RORA: variants seen among roughly 807,000 people sequenced by gnomAD.
The protein encoded by RORA is RAR related orphan receptor A.
Under a neutral mutation model 69.5 loss-of-function variants are expected in RORA, and 7 were observed. That is an observed-to-expected ratio of 0.10 (90% CI 0.06 to 0.19). The LOEUF (loss-of-function observed/expected upper bound fraction) is 0.19. Among genes scored for constraint, RORA ranks in the 10% least tolerant of loss-of-function variants. The pLI is 1.00. For synonymous variants in RORA, 261 were observed against 240.8 expected, an observed-to-expected ratio of 1.08 and a Z score of -0.78; for missense variants, 457 against 663.0, an observed-to-expected ratio of 0.69 and a Z score of 3.41.
intron 1 of RORA, among the ~76,000 whole-genome samples, chr15:61,151,767 T>C (rs1426227942): frequency 6.6e-6 from 1 of 152,224 alleles, no homozygotes; most frequent in Non-Finnish European, 1.5e-5. Context: ...TTATCAAGCA[T>C]GTACTTTAAA....
At chr15:61,137,075 G>T (rs1055158939) in intron 1 of RORA, among the ~76,000 whole-genome samples, 1 of 147,930 alleles carries the variant, frequency 6.8e-6, no homozygotes, top group Non-Finnish European at 1.5e-5. Flanking sequence ...AAGAAAGAAA[G>T]AAAGAAAGAA....
chr15:61,060,335 C>T (rs2078165725), intron 1 of RORA, among the ~76,000 whole-genome samples: 1 of 152,176 alleles, frequency 6.6e-6, no homozygotes, highest in South Asian at 2.1e-4. Flanking sequence ...GCTCTCCTTC[C>T]TTCCACTACT....
intron 1 of RORA, among the ~76,000 whole-genome samples, chr15:61,225,606 G>T (rs1338615556): frequency 6.6e-6 from 1 of 152,136 alleles, no homozygotes; most frequent in Non-Finnish European, 1.5e-5. Context: ...TTTTCCCTTA[G>T]GTCTGCCGGC....
intron 1 of RORA, among the ~76,000 whole-genome samples, chr15:61,212,325 G>C (rs955844781): frequency 6.6e-6 from 1 of 152,078 alleles, no homozygotes; most frequent in African/African-American, 2.4e-5. Context: ...TCAAAGCAGA[G>C]AAAAGTGAAA....
intron 1 of RORA, among the ~76,000 whole-genome samples, chr15:60,923,937 C>T (rs1892127677): frequency 2.0e-5 from 3 of 152,188 alleles, no homozygotes. Context: ...CATGCCTGGC[C>T]CTGCTGTGGG....
chr15:60,922,288 A>C (rs2140490615), intron 1 of RORA, among the ~76,000 whole-genome samples: 1 of 152,302 alleles, frequency 6.6e-6, no homozygotes, highest in African/African-American at 2.4e-5. Context: ...TGTAGAAGGC[A>C]CAACACCAAG....
At chr15:61,064,473 G>C (rs1040297804) in intron 1 of RORA, among the ~76,000 whole-genome samples, 16 of 152,102 alleles carry the variant, frequency 1.1e-4, no homozygotes, top group Non-Finnish European at 2.4e-4. Context: ...TCCCACACAA[G>C]CAAACTGCAG....
intron 2 of RORA, among the ~76,000 whole-genome samples, chr15:60,662,237 T>C (rs1384580920): frequency 1.3e-5 from 2 of 152,226 alleles, no homozygotes; most frequent in East Asian, 3.8e-4. Context: ...CCTACTTAAT[T>C]CTGGCTTAAT....
intron 1 of RORA, among the ~76,000 whole-genome samples, chr15:60,689,278 C>T (rs928440921): frequency 6.6e-6 from 1 of 152,124 alleles, no homozygotes. Context: ...GATGGCAATG[C>T]ATCTTACAGG....
chr15:61,067,098 A>T (rs1262366171), intron 1 of RORA, among the ~76,000 whole-genome samples: 2 of 151,084 alleles, frequency 1.3e-5, no homozygotes, highest in African/African-American at 4.9e-5. Context: ...TGTATGCATT[A>T]GTCTAAACTT....
chr15:60,768,930 C>G (rs2072029550), intron 1 of RORA, among the ~76,000 whole-genome samples: 1 of 152,202 alleles, frequency 6.6e-6, no homozygotes, highest in Non-Finnish European at 1.5e-5. Context: ...TTCATTTCTC[C>G]TCCCTAACAA....
chr15:60,752,631 G>A (rs1390308645), intron 1 of RORA, among the ~76,000 whole-genome samples: 6 of 57,996 alleles, frequency 1.0e-4, no homozygotes, highest in Non-Finnish European at 1.8e-4. Flanking sequence ...ACCCCCACCC[G>A]CCTCGAGTTT....
intron 2 of RORA, among the ~76,000 whole-genome samples, chr15:60,551,376 G>A (rs2067222885): frequency 1.3e-5 from 2 of 152,090 alleles, no homozygotes; most frequent in African/African-American, 4.8e-5. Context: ...GCTCATCCTG[G>A]TCCCTGCTCG....
intron 1 of RORA, among the ~76,000 whole-genome samples, chr15:60,742,133 G>C (rs979273959): frequency 6.6e-6 from 1 of 152,026 alleles, no homozygotes; most frequent in Non-Finnish European, 1.5e-5. Context: ...ATATATATGT[G>C]TATGTATTGG....
chr15:60,724,676 A>G (rs938180304), intron 1 of RORA, among the ~76,000 whole-genome samples: 5 of 152,302 alleles, frequency 3.3e-5, no homozygotes, highest in Non-Finnish European at 7.4e-5. Context: ...CCCATATCTG[A>G]GTACTGTGTC....
intron 1 of RORA, among the ~76,000 whole-genome samples, chr15:60,983,433 T>C (rs960130579): frequency 1.3e-5 from 2 of 152,180 alleles, no homozygotes; most frequent in Non-Finnish European, 2.9e-5. Context: ...TGGGGAAAAT[T>C]TACATTCTAT....
intron 2 of RORA, among the ~76,000 whole-genome samples, chr15:60,622,050 A>G (rs1282062135): frequency 1.3e-5 from 2 of 151,570 alleles, no homozygotes; most frequent in Non-Finnish European, 2.9e-5. Flanking sequence ...CTGTGACTCA[A>G]AAAAAAGGAA....
intron 1 of RORA, among the ~76,000 whole-genome samples, chr15:60,885,727 A>T (rs1459663722): frequency 3.9e-5 from 6 of 152,222 alleles, no homozygotes; most frequent in Admixed American, 3.9e-4. Context: ...TGTTTGTCTC[A>T]GCTCAAATCT....
chr15:60,800,378 A>G (rs777963423), intron 1 of RORA, among the ~76,000 whole-genome samples: 1 of 152,228 alleles, frequency 6.6e-6, no homozygotes, highest in Non-Finnish European at 1.5e-5. Flanking sequence ...TTCAGTTATG[A>G]AGCAGAGAAG....
Sources: allele counts gnomAD v4.1 joint callset (sites outside exome capture counted in the v4.1 genomes callset), GRCh38; gene constraint gnomAD v4.1.1; transcripts MANE v1.5; gene names NCBI Gene and HGNC (gene_info 2026-07-23, HGNC 2026-07-21).